Variants in GSAP observed in about 807,000 individuals in gnomAD.
GSAP encodes gamma-secretase-activating protein.
In GSAP, 118 loss-of-function variants were observed where a neutral mutation model predicts 131.7. That is an observed-to-expected ratio of 0.90 (90% CI 0.77 to 1.04). GSAP has a LOEUF of 1.04. Among genes scored for constraint, GSAP ranks in the 50% least tolerant of loss-of-function variants. GSAP has a pLI of 0.00. For synonymous variants in GSAP, 381 were observed against 363.4 expected, an observed-to-expected ratio of 1.05 and a Z score of -0.55; for missense variants, 1,019 against 1,013.2, an observed-to-expected ratio of 1.01 and a Z score of -0.08.
intron 9 of GSAP, 38 bp from the exon 10 acceptor site, chr7:77,376,945 GA>G (rs769058339): frequency 5.3e-6 from 6 of 1,138,048 alleles, no homozygotes; most frequent in South Asian, 2.8e-5. Context: ...AAAAAACCAG[GA>G]AAAAAAGAAA....
At position 77,314,464 on chromosome 7, in the gene GSAP, G is replaced by A. The variant is rs1467532234; in HGVS notation, c.2115C>T (p.Leu705=). The part of the protein sequence containing the change: ...PPGFHTLHTI[L]GVQCLPLHNL... The stretch of plus-strand genomic sequence containing the variant: ...TATGCAAAGGGAGACACTGGACCCC[G>A]AGGATGGTGTGCAGAGTATGAAAAC... The change falls in exon 27 of 31, where the codon CTC becomes CTT. Residue 705 remains leucine, a synonymous_variant. Transcript: ENST00000257626. 10 of 1,613,638 alleles carry A rather than the reference G, an allele frequency of 6.2e-6. No homozygotes were observed. Among genetic ancestry groups the A allele is most frequent in the Admixed American group, 3.3e-5 (2 of 59,974 alleles).
At chr7:77,313,692 A>ATTTTAC in intron 27 of GSAP, 143 bp from the exon 28 acceptor site, 1 of 493,516 alleles carries the variant, frequency 2.0e-6, no homozygotes, top group East Asian at 3.2e-5. Context: ...CATTTTGGAA[A>ATTTTAC]TTTTACTCTG....
At chr7:77,353,226 G>C (rs1202599337) in intron 17 of GSAP, among the ~76,000 whole-genome samples, 200 bp from the exon 18 acceptor site, 4 of 151,886 alleles carry the variant, frequency 2.6e-5, no homozygotes, top group Non-Finnish European at 5.9e-5. Context: ...GAATAACTTA[G>C]TACCATATCT....
chr7:77,412,914 A>G (rs1046561701), intron 1 of GSAP, among the ~76,000 whole-genome samples: 4 of 152,184 alleles, frequency 2.6e-5, no homozygotes. Context: ...CTGCCCAGGA[A>G]AGACGAAGAT....
chr7:77,344,311 T>C (rs1299897307), intron 19 of GSAP, among the ~76,000 whole-genome samples: 1 of 152,136 alleles, frequency 6.6e-6, no homozygotes, highest in Non-Finnish European at 1.5e-5. Context: ...CTAATGGTCT[T>C]ATAAAAACAC....
intron 28 of GSAP, 122 bp from the exon 29 acceptor site, chr7:77,312,324 T>G (rs1314210613): frequency 1.8e-6 from 1 of 569,358 alleles, no homozygotes; most frequent in Admixed American, 3.5e-5. Flanking sequence ...TCCAGGCCCT[T>G]GATGATTAAG....
intron 19 of GSAP, among the ~76,000 whole-genome samples, chr7:77,334,122 G>A (rs1002937591): frequency 6.6e-6 from 1 of 152,104 alleles, no homozygotes; most frequent in Non-Finnish European, 1.5e-5. Flanking sequence ...CTACATGCAC[G>A]TGTATGTTCA....
intron 3 of GSAP, among the ~76,000 whole-genome samples, chr7:77,401,694 T>C (rs1214110551): frequency 6.6e-6 from 1 of 152,210 alleles, no homozygotes; most frequent in Non-Finnish European, 1.5e-5. Context: ...CACAATAGAC[T>C]TTCCTTCTCC....
At chr7:77,402,593 C>CAAAAAAAAAAAAA (rs56739649) in intron 3 of GSAP, among the ~76,000 whole-genome samples, 43 of 24,776 alleles carry the variant, frequency 1.7e-3, no homozygotes, top group South Asian at 6.3e-3. Context: ...GACTCTGTCT[C>CAAAAAAAAAAAAA]AAAAAAAAAA....
At chr7:77,318,415 T>C (rs888022411) in intron 26 of GSAP, among the ~76,000 whole-genome samples, 2 of 152,244 alleles carry the variant, frequency 1.3e-5, no homozygotes, top group South Asian at 2.1e-4. Flanking sequence ...GAGTATCATA[T>C]ATATGTTGGC....
chr7:77,311,966 A>G lies in GSAP; in HGVS notation c.2374-26T>C, dbSNP rs767949058. 3 of 1,351,514 alleles carry G rather than the reference A, an allele frequency of 2.2e-6. No individual in the cohort carries two copies. In the East Asian group the frequency reaches 6.9e-5, roughly 31 times the overall value. 83.7% of individuals were successfully genotyped at this position (1,351,514 alleles called of 1,614,324 possible). A position where few individuals can be genotyped will look rare whatever the true frequency, so the allele number is the denominator to read the frequency against. On this transcript the variant is annotated intron_variant, in intron 29 of 30. Transcript: ENST00000257626. ...CTAAAAGGGAAACCACTTCTGGTGT[A>G]AGCTGATTCTCCACAATAAGCACAA...
intron 8 of GSAP, among the ~76,000 whole-genome samples, chr7:77,377,871 G>C (rs1461994366): frequency 6.6e-6 from 1 of 152,142 alleles, no homozygotes; most frequent in Non-Finnish European, 1.5e-5. Flanking sequence ...ATGCAGCTTT[G>C]GGCATGCCTC....
chr7:77,389,255 T>C (rs1308772128), intron 5 of GSAP, among the ~76,000 whole-genome samples: 4 of 151,898 alleles, frequency 2.6e-5, no homozygotes, highest in Non-Finnish European at 2.9e-5. Context: ...TGTGTATATA[T>C]ATATATTTTT....
chr7:77,365,880 C>T lies in GSAP; in HGVS notation c.872-3220G>A, dbSNP rs534740506. ...TATAAGTCTTCCCTTTTCTCTGCAA[C>T]CTTGCCAGCAACTGTGGGTTTTTTT... On this transcript the variant is annotated intron_variant, in intron 12 of 30. Coordinates refer to ENST00000257626, the MANE Select transcript of GSAP (RefSeq NM_017439.4). Among the ~76,000 whole-genome samples the T allele has an allele frequency of 4.0e-5, 6 of 149,510 alleles. No individual in the cohort carries two copies. In the South Asian group the frequency reaches 1.3e-3, roughly 32 times the overall value.
In GSAP at chr7:77,349,141, T is replaced by C. The variant is rs541735643; in HGVS notation, c.1545+210A>G. On this transcript the variant is annotated intron_variant, in intron 19 of 30. Coordinates refer to ENST00000257626, the MANE Select transcript of GSAP (RefSeq NM_017439.4). ...TAATTCTCTCCTATCTTCAGGAAAC[T>C]TCCTTCAAAGAGCATTCCTGAGAAT... Among the ~76,000 whole-genome samples the C allele has an allele frequency of 6.6e-5, 10 of 152,320 alleles. No homozygotes were observed. The South Asian group carries it at 1.9e-3, about 28-fold the overall frequency.
intron 19 of GSAP, among the ~76,000 whole-genome samples, chr7:77,334,010 C>T (rs764743073): frequency 1.3e-5 from 2 of 152,078 alleles, no homozygotes; most frequent in Non-Finnish European, 2.9e-5. Context: ...GACACTATGG[C>T]GATTCCTCAA....
intron 12 of GSAP, among the ~76,000 whole-genome samples, chr7:77,364,648 T>G (rs934658032): frequency 5.9e-5 from 9 of 152,088 alleles, no homozygotes; most frequent in Non-Finnish European, 1.2e-4. Context: ...ATTGTGCACA[T>G]GTACCCTAAA....
rs930593739 is a variant in GSAP, at chr7:77,355,818, T to C, written c.1028-171A>G. On this transcript the variant is annotated intron_variant, in intron 14 of 30. Coordinates refer to ENST00000257626, the MANE Select transcript of GSAP (RefSeq NM_017439.4). Reference sequence around the variant, plus strand: ...TTTTTTTTTTTTTTAAGACAGGGTCTGACTCTGTCACCCAGGCTGGAGTAG... The same window carrying C: ...TTTTTTTTTTTTTTAAGACAGGGTCCGACTCTGTCACCCAGGCTGGAGTAG... Among the ~76,000 whole-genome samples the C allele has an allele frequency of 1.1e-4, 13 of 114,282 alleles. 1 individual carries two copies. Among genetic ancestry groups the C allele is most frequent in the African/African-American group, 5.0e-4 (12 of 23,914 alleles). The allele number at this position is 114,282 out of a possible 152,430, so 75.0% of individuals were successfully genotyped here.
intron 3 of GSAP, among the ~76,000 whole-genome samples, chr7:77,400,139 T>G (rs115138833): frequency 6.6e-6 from 1 of 152,130 alleles, no homozygotes; most frequent in Non-Finnish European, 1.5e-5. Flanking sequence ...CTCCCACCTT[T>G]GCCCAGCTGT....
Sources: allele counts gnomAD v4.1 joint callset (sites outside exome capture counted in the v4.1 genomes callset), GRCh38; gene constraint gnomAD v4.1.1; transcripts MANE v1.5; gene names NCBI Gene and HGNC (gene_info 2026-07-23, HGNC 2026-07-21).